GNAO1: variants seen among roughly 807,000 people sequenced by gnomAD.
GNAO1 encodes the protein guanine nucleotide-binding protein G(o) subunit alpha.
For synonymous variants in GNAO1, 164 were observed against 180.7 expected, an observed-to-expected ratio of 0.91 and a Z score of 0.74; for missense variants, 166 against 478.7, an observed-to-expected ratio of 0.35 and a Z score of 6.10.
rs755484788 is a variant in GNAO1 at position 56,351,413 on chromosome 16, C to T, written c.753C>T (p.Phe251=). The change falls in exon 7 of 9, where the codon TTC becomes TTT. Residue 251 remains phenylalanine, a synonymous_variant. Coordinates refer to ENST00000262493, the MANE Select transcript of GNAO1 (RefSeq NM_020988.3). This position sits in a 1 kb window ranked among gnomAD's most constrained non-coding sequence, Gnocchi z 6.1. Reference sequence around the variant, plus strand: ...GCATGCACGAGTCTCTCATGCTCTTCGACTCCATCTGTAACAACAAGTTCT... The same window carrying T: ...GCATGCACGAGTCTCTCATGCTCTTTGACTCCATCTGTAACAACAAGTTCT... ...TNRMHESLML[F]DSICNNKFFI... is the part of the protein sequence containing the mutation. 5 of 1,612,394 alleles carry T rather than the reference C, an allele frequency of 3.1e-6. No homozygotes were observed. In the Admixed American group the frequency reaches 6.7e-5, roughly 21 times the overall value.
intron 2 of GNAO1, among the ~76,000 whole-genome samples, chr16:56,204,754 A>G (rs904214889): frequency 2.0e-5 from 3 of 152,196 alleles, no homozygotes; most frequent in Admixed American, 6.5e-5. Context: ...AAAAATTTTT[A>G]TGGTAGAAAT....
intron 2 of GNAO1, among the ~76,000 whole-genome samples, chr16:56,227,595 A>G (rs2036543491): frequency 6.6e-6 from 1 of 151,468 alleles, no homozygotes; most frequent in Non-Finnish European, 1.5e-5. Flanking sequence ...TGCCAAGGCA[A>G]GACGATCACT....
At chr16:56,277,486 A>G (rs2037070694) in intron 3 of GNAO1, among the ~76,000 whole-genome samples, 1 of 152,342 alleles carries the variant, frequency 6.6e-6, no homozygotes, top group Admixed American at 6.5e-5. Context: ...GATCGTTAGA[A>G]CTAACCCAGA....
chr16:56,281,911 C>T (rs2037118391), intron 3 of GNAO1, among the ~76,000 whole-genome samples: 1 of 152,214 alleles, frequency 6.6e-6, no homozygotes, highest in Non-Finnish European at 1.5e-5. Flanking sequence ...TCTATATAAA[C>T]ATATGTAAAA....
In GNAO1 at chr16:56,305,718, A is replaced by T. The variant is rs79623566; in HGVS notation, c.304-22913A>T. Among the ~76,000 whole-genome samples, 16 of 152,322 alleles carry T rather than the reference A, an allele frequency of 1.1e-4. No individual in the cohort carries two copies. The East Asian group carries it at 3.1e-3, about 29-fold the overall frequency. On this transcript the variant is annotated intron_variant, in intron 3 of 8. Coordinates refer to ENST00000262493, the MANE Select transcript of GNAO1 (RefSeq NM_020988.3). ...GCTGTATTTGTTTCCCAGGGCCGTC[A>T]TAACAAAGCATAATCACAGTTCTGA...
intron 3 of GNAO1, among the ~76,000 whole-genome samples, chr16:56,281,214 A>G (rs1464689693): frequency 4.6e-5 from 7 of 152,166 alleles, no homozygotes; most frequent in Non-Finnish European, 1.0e-4. Context: ...GCAGAGTCCC[A>G]TTTAGATAGG....
intron 3 of GNAO1, among the ~76,000 whole-genome samples, chr16:56,309,283 C>T (rs991926395): frequency 3.3e-5 from 5 of 152,116 alleles, no homozygotes; most frequent in East Asian, 3.9e-4. Flanking sequence ...CAACTGTGTC[C>T]GGGATATTTG....
At chr16:56,319,032 C>G (rs1330577457) in intron 3 of GNAO1, among the ~76,000 whole-genome samples, 2 of 152,190 alleles carry the variant, frequency 1.3e-5, no homozygotes, top group Non-Finnish European at 2.9e-5. Context: ...TTCATTTCCC[C>G]ATCATATCCT....
At chr16:56,344,795 T>C in intron 6 of GNAO1, 1 of 985,372 alleles carries the variant, frequency 1.0e-6, no homozygotes, top group African/African-American at 1.7e-5. Context: ...CTCTGAGGTG[T>C]GAATAGATAT....
chr16:56,241,485 A>G (rs1015085642), intron 2 of GNAO1, among the ~76,000 whole-genome samples: 4 of 152,140 alleles, frequency 2.6e-5, no homozygotes, highest in Admixed American at 1.3e-4. Context: ...AAGCTTGCCA[A>G]TCTTTTGAAA....
intron 2 of GNAO1, among the ~76,000 whole-genome samples, chr16:56,205,971 A>G (rs1395458551): frequency 6.6e-6 from 1 of 152,142 alleles, no homozygotes; most frequent in Non-Finnish European, 1.5e-5. Context: ...GAGCAGAAAG[A>G]AGGCCAGTGG....
chr16:56,258,777 T>C (rs2036876534), intron 2 of GNAO1, among the ~76,000 whole-genome samples: 1 of 151,864 alleles, frequency 6.6e-6, no homozygotes, highest in Non-Finnish European at 1.5e-5. Flanking sequence ...CAGGGGAGAG[T>C]TTCCTGCAGC....
chr16:56,339,985 A>G (rs1220100343), intron 6 of GNAO1, among the ~76,000 whole-genome samples: 2 of 151,936 alleles, frequency 1.3e-5, no homozygotes, highest in African/African-American at 4.8e-5. Flanking sequence ...CATCCCACCC[A>G]TCCTGCATCT....
intron 2 of GNAO1, among the ~76,000 whole-genome samples, chr16:56,206,059 A>G (rs1159828066): frequency 6.6e-6 from 1 of 152,064 alleles, no homozygotes; most frequent in African/African-American, 2.4e-5. Context: ...GGTGCCTCAC[A>G]CCTGTAATCC....
At chr16:56,226,788 G>C (rs1031783741) in intron 2 of GNAO1, among the ~76,000 whole-genome samples, 3 of 152,142 alleles carry the variant, frequency 2.0e-5, no homozygotes, top group Non-Finnish European at 4.4e-5. Context: ...AGGATGCAAG[G>C]GACCAAGAAA....
At chr16:56,245,332 A>T (rs1236283689) in intron 2 of GNAO1, among the ~76,000 whole-genome samples, 1 of 152,126 alleles carries the variant, frequency 6.6e-6, no homozygotes, top group African/African-American at 2.4e-5. Flanking sequence ...CACGGCCCTG[A>T]CGTTCCATTT....
intron 2 of GNAO1, among the ~76,000 whole-genome samples, chr16:56,237,064 G>A (rs1322584976): frequency 6.6e-6 from 1 of 152,194 alleles, no homozygotes; most frequent in Non-Finnish European, 1.5e-5. Flanking sequence ...GTGGAATGCT[G>A]TACATGAAGT....
At chr16:56,240,060 G>A (rs2036679015) in intron 2 of GNAO1, among the ~76,000 whole-genome samples, 1 of 152,196 alleles carries the variant, frequency 6.6e-6, no homozygotes. Flanking sequence ...TCTGGAAAAT[G>A]AAGAAGCAGG....
At chr16:56,265,293 C>G (rs1365205992) in intron 2 of GNAO1, among the ~76,000 whole-genome samples, 1 of 152,248 alleles carries the variant, frequency 6.6e-6, no homozygotes, top group African/African-American at 2.4e-5. Context: ...CTGAAGTCAT[C>G]TCTGGCCATG....
Sources: allele counts gnomAD v4.1 joint callset (sites outside exome capture counted in the v4.1 genomes callset), GRCh38; gene constraint gnomAD v4.1.1; non-coding constraint Gnocchi (gnomAD v3.1); transcripts MANE v1.5; gene names NCBI Gene and HGNC (gene_info 2026-07-23, HGNC 2026-07-21).